DRC5: variants seen among roughly 807,000 people sequenced by gnomAD.
DRC5 encodes T-complex-associated testis-expressed protein 1.
the DRC5 span, among the ~76,000 whole-genome samples, chr6:44,284,892 G>A: frequency 1.3e-5 from 2 of 152,162 alleles, no homozygotes; most frequent in African/African-American, 4.8e-5. Context: ...CCTCACAGAC[G>A]GAGTGACATT....
the DRC5 span, chr6:44,287,814 G>A: frequency 3.6e-4 from 574 of 1,613,640 alleles, 2 homozygotes; most frequent in African/African-American, 6.8e-3. Context: ...ATGTCGTTAC[G>A]GTATCCTGCA....
the DRC5 span, among the ~76,000 whole-genome samples, chr6:44,289,022 A>AAAAAAAAAAG: frequency 2.2e-5 from 3 of 136,480 alleles, no homozygotes; most frequent in South Asian, 2.3e-4. Flanking sequence ...AAAAAAAAAA[A>AAAAAAAAAAG]GAAAAACAGG....
At chr6:44,287,725 C>A in the DRC5 span, 2 of 1,614,158 alleles carry the variant, frequency 1.2e-6, no homozygotes, top group African/African-American at 2.7e-5. Flanking sequence ...GAGCTGTGGG[C>A]TTGTGCTTGA....
chr6:44,286,774 G>A, the DRC5 span, among the ~76,000 whole-genome samples: 1 of 152,232 alleles, frequency 6.6e-6, no homozygotes, highest in South Asian at 2.1e-4. Flanking sequence ...TTCCCAGACT[G>A]AGGAAGACTC....
At chr6:44,280,386 C>A in the DRC5 span, 3 of 1,612,130 alleles carry the variant, frequency 1.9e-6, no homozygotes, top group Non-Finnish European at 2.5e-6. Flanking sequence ...CTGCTTCCCA[C>A]CGTCCTGGGA....
At chr6:44,282,616 A>G in the DRC5 span, 1 of 1,491,792 alleles carries the variant, frequency 6.7e-7, no homozygotes, top group South Asian at 1.3e-5. Context: ...CAGCCTGCCC[A>G]CCTAGATCTT....
At chr6:44,287,290 T>G in the DRC5 span, 1 of 960,122 alleles carries the variant, frequency 1.0e-6, no homozygotes. Flanking sequence ...CTGGAGAGAG[T>G]AGAAAAGGCA....
chr6:44,290,237 A>G, the DRC5 span, among the ~76,000 whole-genome samples: 2 of 152,152 alleles, frequency 1.3e-5, no homozygotes, highest in Non-Finnish European at 2.9e-5. Context: ...TTTGTCAGTT[A>G]TGTGCTTTGT....
the DRC5 span, among the ~76,000 whole-genome samples, chr6:44,280,855 C>T: frequency 6.6e-6 from 1 of 152,240 alleles, no homozygotes; most frequent in Admixed American, 6.5e-5. Flanking sequence ...GAGGCATTGG[C>T]CATGAGACTG....
chr6:44,286,212 C>G, the DRC5 span: 2 of 1,611,738 alleles, frequency 1.2e-6, no homozygotes, highest in Non-Finnish European at 1.7e-6. Flanking sequence ...GGGAGCTGCA[C>G]CGGCGGAAGG....
chr6:44,287,582 G>C, the DRC5 span: 8 of 1,613,834 alleles, frequency 5.0e-6, no homozygotes, highest in South Asian at 8.8e-5. Context: ...TGAATGCAGA[G>C]CTCTGTGAGG....
At chr6:44,286,603 G>T in the DRC5 span, 1 of 1,394,602 alleles carries the variant, frequency 7.2e-7, no homozygotes, top group African/African-American at 1.4e-5. Flanking sequence ...GCCTCAGGCT[G>T]GGCCTGCCTG....
the DRC5 span, chr6:44,287,497 C>G: frequency 1.9e-6 from 3 of 1,551,782 alleles, no homozygotes; most frequent in Admixed American, 5.2e-5. Flanking sequence ...CCCCACCCAC[C>G]TAGCCCCCCT....
At chr6:44,293,198 T>C in the DRC5 span, among the ~76,000 whole-genome samples, 1 of 151,420 alleles carries the variant, frequency 6.6e-6, no homozygotes, top group Admixed American at 6.6e-5. Flanking sequence ...ATTGAGCCTC[T>C]AGTCTCACAT....
chr6:44,294,005 A>G, the DRC5 span, among the ~76,000 whole-genome samples: 1 of 151,584 alleles, frequency 6.6e-6, no homozygotes, highest in African/African-American at 2.4e-5. Flanking sequence ...TTTTTGAGAC[A>G]GAGTTTCGCT....
the DRC5 span, among the ~76,000 whole-genome samples, chr6:44,289,520 T>C: frequency 6.6e-6 from 1 of 152,034 alleles, no homozygotes; most frequent in Non-Finnish European, 1.5e-5. Flanking sequence ...AGAGTGCAGG[T>C]TGAGAGAGAA....
At chr6:44,289,982 C>T in the DRC5 span, among the ~76,000 whole-genome samples, 1 of 152,172 alleles carries the variant, frequency 6.6e-6, no homozygotes, top group Non-Finnish European at 1.5e-5. Flanking sequence ...ATGGTGCTTC[C>T]CAGCCTGCCA....
chr6:44,288,709 C>T, the DRC5 span, among the ~76,000 whole-genome samples: 3 of 152,044 alleles, frequency 2.0e-5, no homozygotes, highest in African/African-American at 7.2e-5. Flanking sequence ...TAAAGAGAAA[C>T]AAGGCTGGGC....
chr6:44,284,343 T>C, the DRC5 span, among the ~76,000 whole-genome samples: 1 of 152,114 alleles, frequency 6.6e-6, no homozygotes, highest in African/African-American at 2.4e-5. Context: ...TCTGGCTTCC[T>C]GGCAAGCTCT....
Sources: allele counts gnomAD v4.1 joint callset (sites outside exome capture counted in the v4.1 genomes callset), GRCh38; gene constraint gnomAD v4.1.1; transcripts MANE v1.5; gene names NCBI Gene and HGNC (gene_info 2026-07-23, HGNC 2026-07-21).